Variants in NYAP2 observed in about 807,000 individuals in gnomAD.
The protein encoded by NYAP2 is neuronal tyrosine-phosphorylated phosphoinositide-3-kinase adapter 2.
A neutral mutation model predicts 50.4 loss-of-function variants in NYAP2; 23 were observed. That is an observed-to-expected ratio of 0.46 (90% CI 0.33 to 0.65). The LOEUF is 0.65. Ranked by LOEUF, NYAP2 falls within the 30% of genes least tolerant of loss-of-function variation. NYAP2 has a pLI of 0.02. For missense variants in NYAP2, 885 were observed against 861.0 expected, an observed-to-expected ratio of 1.03 and a Z score of -0.35; for synonymous variants, 394 against 365.2, an observed-to-expected ratio of 1.08 and a Z score of -0.90.
intron 4 of NYAP2, among the ~76,000 whole-genome samples, chr2:225,549,169 C>A: frequency 6.6e-6 from 1 of 152,142 alleles, no homozygotes. Context: ...GTGTGAGCCA[C>A]CATGCCCAGC....
intron 3 of NYAP2, among the ~76,000 whole-genome samples, chr2:225,511,327 AACACAC>A (rs571887973): frequency 0.018 from 2,360 of 129,802 alleles, 48 homozygotes; most frequent in African/African-American, 0.042. Flanking sequence ...CGTTCTTTAA[AACACAC>A]ACACACACAC....
In NYAP2 at chr2:225,582,002, G is replaced by A. The variant is rs778313204; in HGVS notation, c.585G>A (p.Pro195=). ...CCAAGAAGATTCCTCCTCCCAAACC[G>A]AAGCGAAATCCGAACACTCAGCTGA... The change falls in exon 5 of 7, where the codon CCG becomes CCA. Residue 195 remains proline, a synonymous_variant. Transcript: ENST00000636099. This position sits in a 1 kb window ranked among gnomAD's most constrained non-coding sequence, Gnocchi z 7.0. The A allele has an allele frequency of 7.4e-6, 12 of 1,613,396 alleles. No homozygotes were observed. Among genetic ancestry groups the A allele is most frequent in the Middle Eastern group, 1.6e-4 (1 of 6,078 alleles).
chr2:225,503,997 A>C (rs964416480), intron 3 of NYAP2, among the ~76,000 whole-genome samples: 1 of 152,186 alleles, frequency 6.6e-6, no homozygotes, highest in African/African-American at 2.4e-5. Flanking sequence ...ATGGTGCTCT[A>C]GGGTGGAAAC....
At chr2:225,646,731 G>A (rs1489909058) in intron 6 of NYAP2, among the ~76,000 whole-genome samples, 5 of 152,152 alleles carry the variant, frequency 3.3e-5, no homozygotes, top group African/African-American at 7.2e-5. Flanking sequence ...AGACCACTGG[G>A]TGACCTCATT....
Position 225,592,133 on chromosome 2 carries a change from T to C in NYAP2, c.1618+9098T>C, listed in dbSNP as rs753364830. ...TTCAGGTTTCTTTGCTAAAAAGATA[T>C]GGGTACTCACCTCAATGCCTCTAAG... On this transcript the variant is annotated intron_variant, in intron 5 of 6. Transcript: ENST00000636099. Among the ~76,000 whole-genome samples, 71 of 152,170 alleles carry C rather than the reference T, an allele frequency of 4.7e-4. 1 individual carries two copies. Among genetic ancestry groups the C allele is most frequent in the Admixed American group, 8.5e-4 (13 of 15,270 alleles).
chr2:225,445,852 C>T (rs1689544640), intron 3 of NYAP2, among the ~76,000 whole-genome samples: 3 of 151,970 alleles, frequency 2.0e-5, no homozygotes, highest in Admixed American at 2.0e-4. Context: ...CAAAAATGAT[C>T]ATTTTCCCTT....
intron 5 of NYAP2, among the ~76,000 whole-genome samples, chr2:225,585,462 C>A (rs1289321026): frequency 6.6e-6 from 1 of 152,206 alleles, no homozygotes; most frequent in African/African-American, 2.4e-5. Context: ...ATGTCACAGA[C>A]TTTCTCATCC....
chr2:225,413,683 C>T (rs772230860), intron 3 of NYAP2, among the ~76,000 whole-genome samples: 2 of 152,118 alleles, frequency 1.3e-5, no homozygotes, highest in Non-Finnish European at 2.9e-5. Context: ...TACAGAGGAC[C>T]AACATCTAAA....
chr2:225,578,336 C>G (rs1410547303), intron 4 of NYAP2, among the ~76,000 whole-genome samples: 1 of 151,988 alleles, frequency 6.6e-6, no homozygotes, highest in Non-Finnish European at 1.5e-5. Context: ...CTTCACCAAG[C>G]AGGGAAGGGA....
chr2:225,595,814 T>C (rs1343035417), intron 5 of NYAP2, among the ~76,000 whole-genome samples: 1 of 152,138 alleles, frequency 6.6e-6, no homozygotes, highest in Non-Finnish European at 1.5e-5. Flanking sequence ...CCATGGCCAA[T>C]CCACTTAAGT....
the NYAP2 span, among the ~76,000 whole-genome samples, chr2:225,674,124 TAGAG>T: frequency 6.6e-6 from 1 of 151,514 alleles, no homozygotes; most frequent in Non-Finnish European, 1.5e-5. Context: ...AGCTGTGGGG[TAGAG>T]AGAGAGAGGA....
intron 4 of NYAP2, among the ~76,000 whole-genome samples, chr2:225,579,613 C>T (rs1167751938): frequency 1.3e-5 from 2 of 152,184 alleles, no homozygotes; most frequent in African/African-American, 4.8e-5. Context: ...CAAAGGCCAC[C>T]TTCTCATCTG....
chr2:225,555,799 T>TG (rs1464214083), intron 4 of NYAP2, among the ~76,000 whole-genome samples: 9 of 152,162 alleles, frequency 5.9e-5, no homozygotes, highest in Non-Finnish European at 2.9e-5. Flanking sequence ...AGAATCACCT[T>TG]GAGAGCTGGT....
At chr2:225,479,073 A>G (rs1336557865) in intron 3 of NYAP2, among the ~76,000 whole-genome samples, 1 of 152,218 alleles carries the variant, frequency 6.6e-6, no homozygotes, top group Non-Finnish European at 1.5e-5. Context: ...AGGGAGAAAA[A>G]TATGTTCATA....
intron 4 of NYAP2, among the ~76,000 whole-genome samples, chr2:225,525,915 G>C (rs1691142545): frequency 6.6e-6 from 1 of 152,190 alleles, no homozygotes; most frequent in African/African-American, 2.4e-5. Context: ...TTGCTGGCTT[G>C]AAGATAGAGG....
chr2:225,598,155 G>A (rs138766143), intron 5 of NYAP2, among the ~76,000 whole-genome samples: 61 of 152,188 alleles, frequency 4.0e-4, no homozygotes, highest in East Asian at 3.5e-3. Flanking sequence ...GTACCCTTGC[G>A]CCATAAAGAA....
At chr2:225,523,110 T>G (rs1243412235) in intron 4 of NYAP2, among the ~76,000 whole-genome samples, 1 of 152,116 alleles carries the variant, frequency 6.6e-6, no homozygotes, top group Non-Finnish European at 1.5e-5. Context: ...TCAGCACCAG[T>G]CAGGGCCAGC....
chr2:225,528,129 G>T (rs569406030), intron 4 of NYAP2, among the ~76,000 whole-genome samples: 1 of 152,264 alleles, frequency 6.6e-6, no homozygotes, highest in East Asian at 1.9e-4. Context: ...CAGAGGGCAG[G>T]AATCTTGTGT....
At chr2:225,532,013 TA>T (rs1691263155) in intron 4 of NYAP2, among the ~76,000 whole-genome samples, 1 of 152,268 alleles carries the variant, frequency 6.6e-6, no homozygotes, top group Non-Finnish European at 1.5e-5. Context: ...TTGTGCCATT[TA>T]TATAAGGTTA....
Sources: gnomAD v4.1 joint callset for allele counts (sites outside exome capture counted in the v4.1 genomes callset) on GRCh38, gnomAD v4.1.1 for gene constraint, Gnocchi (gnomAD v3.1) non-coding constraint, MANE v1.5 for transcripts, NCBI Gene and HGNC (gene_info 2026-07-23, HGNC 2026-07-21) for gene names.